CCR5AS: variants seen among roughly 807,000 people sequenced by gnomAD.
The protein encoded by CCR5AS is CCR5 antisense RNA.
chr3:46,390,799 C>T (rs531781319), intron 2 of CCR5AS, among the ~76,000 whole-genome samples: 1 of 152,228 alleles, frequency 6.6e-6, no homozygotes, highest in South Asian at 2.1e-4. Context: ...GAATGTTGTC[C>T]AAGTTGGCAC....
chr3:46,379,201 G>A (rs1701791169), intron 2 of CCR5AS, among the ~76,000 whole-genome samples: 1 of 118,952 alleles, frequency 8.4e-6, no homozygotes. Context: ...TCCCCAAAGT[G>A]TGATATTCCC....
At chr3:46,384,428 T>G (rs1326654238) in intron 2 of CCR5AS, among the ~76,000 whole-genome samples, 1 of 152,216 alleles carries the variant, frequency 6.6e-6, no homozygotes, top group Non-Finnish European at 1.5e-5. Flanking sequence ...CTGCCGGCAT[T>G]CACTCTTGCA....
chr3:46,395,299 G>A (rs1701949541), intron 1 of CCR5AS, among the ~76,000 whole-genome samples: 1 of 152,168 alleles, frequency 6.6e-6, no homozygotes, highest in African/African-American at 2.4e-5. Flanking sequence ...GAAGCTGGAT[G>A]TGCTGACACT....
chr3:46,406,084 C>T (rs1337187928), intron 1 of CCR5AS, among the ~76,000 whole-genome samples: 1 of 152,124 alleles, frequency 6.6e-6, no homozygotes, highest in East Asian at 1.9e-4. Flanking sequence ...CTATGTTGCC[C>T]AGGCTGGCCT....
At chr3:46,401,919 G>A (rs1363861744) in intron 1 of CCR5AS, among the ~76,000 whole-genome samples, 1 of 151,738 alleles carries the variant, frequency 6.6e-6, no homozygotes, top group Non-Finnish European at 1.5e-5. Flanking sequence ...TTTTAAAAGG[G>A]GTTTCATGAT....
At chr3:46,365,316 T>C (rs1701589084) in intron 3 of CCR5AS, among the ~76,000 whole-genome samples, 1 of 152,166 alleles carries the variant, frequency 6.6e-6, no homozygotes, top group Admixed American at 6.5e-5. Context: ...GCCATCAACA[T>C]CAAAACAAGA....
chr3:46,376,681 C>T (rs1374204713), intron 2 of CCR5AS, among the ~76,000 whole-genome samples: 1 of 152,126 alleles, frequency 6.6e-6, no homozygotes, highest in Non-Finnish European at 1.5e-5. Context: ...AAAATCCCTC[C>T]CCAAAACTTG....
chr3:46,369,542 C>A (rs1701634377), intron 3 of CCR5AS, among the ~76,000 whole-genome samples: 1 of 152,134 alleles, frequency 6.6e-6, no homozygotes, highest in Non-Finnish European at 1.5e-5. Context: ...ATTAGCTTTA[C>A]CTTTTCAGCT....
intron 2 of CCR5AS, among the ~76,000 whole-genome samples, chr3:46,382,491 C>G: frequency 6.6e-6 from 1 of 152,222 alleles, no homozygotes; most frequent in Non-Finnish European, 1.5e-5. Flanking sequence ...GTGTTAGCAT[C>G]CTTGATTTCC....
At chr3:46,392,325 G>C (rs528352958) in intron 2 of CCR5AS, among the ~76,000 whole-genome samples, 1 of 152,134 alleles carries the variant, frequency 6.6e-6, no homozygotes, top group Admixed American at 6.5e-5. Flanking sequence ...ACCCCACTCT[G>C]GTGCCAACTT....
chr3:46,393,542 T>C (rs1701934263), intron 1 of CCR5AS, among the ~76,000 whole-genome samples: 1 of 139,368 alleles, frequency 7.2e-6, no homozygotes, highest in South Asian at 2.4e-4. Flanking sequence ...TAGTAAAAAA[T>C]TATAGGGAAA....
chr3:46,384,022 A>G (rs1228300406), intron 2 of CCR5AS, among the ~76,000 whole-genome samples: 1 of 152,210 alleles, frequency 6.6e-6, no homozygotes, highest in Non-Finnish European at 1.5e-5. Context: ...GGAATCAAGG[A>G]CTCAGGCACA....
chr3:46,369,150 C>G (rs2106737856), intron 3 of CCR5AS, among the ~76,000 whole-genome samples: 1 of 152,342 alleles, frequency 6.6e-6, no homozygotes, highest in African/African-American at 2.4e-5. Flanking sequence ...CACTTGTTAT[C>G]ATTCCCTCTC....
rs1419907865 is a variant in CCR5AS at position 46,375,453 on chromosome 3, A to G, written n.392-4036T>C. On this transcript the variant is annotated intron_variant and non_coding_transcript_variant, in intron 2 of 3. Transcript: ENST00000451485. Reference sequence around the variant, plus strand: ...ATTCAGGGATAGCACTGAGCAAAGCATTGAGCAAAGGGGTCCCATAGAGGT... The same window carrying G: ...ATTCAGGGATAGCACTGAGCAAAGCGTTGAGCAAAGGGGTCCCATAGAGGT... 1.8e-5 allele frequency: 3 copies of G among 167,060 alleles called. No homozygotes were observed. In the East Asian group the frequency reaches 5.8e-4, roughly 32 times the overall value. The allele number at this position is 167,060 out of a possible 1,614,324, so 10.3% of individuals were successfully genotyped here. A position where few individuals can be genotyped will look rare whatever the true frequency, so the allele number is the denominator to read the frequency against.
At chr3:46,381,778 A>G (rs17141076) in intron 2 of CCR5AS, among the ~76,000 whole-genome samples, 9,112 of 152,266 alleles carry the variant, frequency 0.06, 897 homozygotes, top group African/African-American at 0.21. Flanking sequence ...CCTGTGCCAA[A>G]AAGCAGAGCC....
intron 2 of CCR5AS, chr3:46,372,637 T>C: frequency 3.1e-6 from 1 of 323,876 alleles, no homozygotes; most frequent in Non-Finnish European, 5.7e-6. Flanking sequence ...GAGCACAAGA[T>C]TTTATTTGGT....
intron 2 of CCR5AS, among the ~76,000 whole-genome samples, chr3:46,371,662 A>G (rs1275493930): frequency 6.6e-6 from 1 of 152,220 alleles, no homozygotes; most frequent in African/African-American, 2.4e-5. Context: ...ACAGCTGGTT[A>G]TAAGACTAAA....
intron 1 of CCR5AS, among the ~76,000 whole-genome samples, chr3:46,399,932 G>T (rs1326298954): frequency 6.6e-6 from 1 of 152,174 alleles, no homozygotes; most frequent in Non-Finnish European, 1.5e-5. Context: ...ATCTCTGGAA[G>T]CTAGTTGAAG....
intron 2 of CCR5AS, among the ~76,000 whole-genome samples, chr3:46,380,109 C>A (rs776661251): frequency 3.9e-5 from 6 of 152,024 alleles, no homozygotes; most frequent in Non-Finnish European, 7.4e-5. Context: ...CTAAAACTCT[C>A]TAGGTGGGAG....
Sources: allele counts gnomAD v4.1 joint callset (sites outside exome capture counted in the v4.1 genomes callset), GRCh38; gene constraint gnomAD v4.1.1; transcripts MANE v1.5; gene names NCBI Gene and HGNC (gene_info 2026-07-23, HGNC 2026-07-21).